The following KCNH1 variants were observed in gnomAD, a reference collection of about 807,000 sequenced individuals.
KCNH1 encodes voltage-gated delayed rectifier potassium channel KCNH1.
In KCNH1, 27 loss-of-function variants were observed where a neutral mutation model predicts 69.2. That is an observed-to-expected ratio of 0.39 (90% CI 0.29 to 0.54). KCNH1 has a LOEUF of 0.54. Among genes scored for constraint, KCNH1 ranks in the 20% least tolerant of loss-of-function variants. The probability of loss-of-function intolerance (pLI) is 0.68; values close to 1 mark genes in which losing one functional copy is unlikely to be tolerated. For synonymous variants in KCNH1, 456 were observed against 487.7 expected (o/e 0.93, Z 0.86); for missense variants, 798 against 1,261.6 (o/e 0.63, Z 5.57).
intron 8 of KCNH1, 24 bp downstream of exon 8, chr1:210,803,943 C>T: frequency 1.2e-6 from 2 of 1,605,674 alleles, no homozygotes; most frequent in Non-Finnish European, 8.5e-7. Flanking sequence ...CAAATGGTTT[C>T]CCTGAGCTCC....
In KCNH1 at chr1:210,919,815, A is replaced by G. The variant is rs779722105; in HGVS notation, c.1287T>C (p.Pro429=). The part of the protein sequence containing the change: ...LYQLAMDIGT[P]YQFNGSGSGK... The stretch of plus-strand genomic sequence containing the variant: ...CTGAGCCAGACCCATTAAACTGGTA[A>G]GGGGTGCCAATGTCCATCGCTAGTT... Residue 429 remains proline (P), a synonymous_variant, in exon 7 of 11, where the codon CCT becomes CCC. Transcript: ENST00000271751. This position sits in a 1 kb window ranked among gnomAD's most constrained non-coding sequence, Gnocchi z 4.2. 6.2e-7 allele frequency: 1 copy of G among 1,614,156 alleles called. No homozygotes were observed. The highest frequency in any genetic ancestry group is 1.7e-5 in the Admixed American group (1 of 60,024).
At chr1:210,782,569 T>C (rs781472352) in intron 9 of KCNH1, among the ~76,000 whole-genome samples, 2 of 152,024 alleles carry the variant, frequency 1.3e-5, no homozygotes, top group Non-Finnish European at 2.9e-5. Context: ...CTACTAAAAA[T>C]GCAAAAATTA....
chr1:211,103,461 A>G (rs534596442), intron 3 of KCNH1, 35 bp downstream of exon 3: 3 of 1,355,690 alleles, frequency 2.2e-6, no homozygotes, highest in Admixed American at 3.8e-5. Flanking sequence ...TTTCAAACAC[A>G]TAAAGGTATG....
chr1:210,762,760 C>T (rs1017116357), intron 10 of KCNH1, among the ~76,000 whole-genome samples: 1 of 152,132 alleles, frequency 6.6e-6, no homozygotes, highest in Non-Finnish European at 1.5e-5. Context: ...AAGCCCTGGA[C>T]CAGATGGATT....
intron 10 of KCNH1, among the ~76,000 whole-genome samples, chr1:210,709,742 A>AAGAGAG (rs35326611): frequency 5.4e-4 from 78 of 145,016 alleles, no homozygotes; most frequent in South Asian, 1.3e-3. Flanking sequence ...GAGAGAGAGA[A>AAGAGAG]AGAGAGAGAG....
intron 5 of KCNH1, among the ~76,000 whole-genome samples, chr1:211,057,047 C>T (rs2102445863): frequency 1.3e-5 from 2 of 152,220 alleles, no homozygotes; most frequent in Middle Eastern, 6.8e-3. Context: ...CACCCAGTGA[C>T]CAATCCCAGA....
chr1:211,120,796 C>G (rs958204209), intron 1 of KCNH1, among the ~76,000 whole-genome samples: 2 of 152,004 alleles, frequency 1.3e-5, no homozygotes, highest in Admixed American at 6.6e-5. Flanking sequence ...TCATCTCAGC[C>G]CAAAAACTTC....
intron 6 of KCNH1, among the ~76,000 whole-genome samples, chr1:211,006,968 AAGAC>A (rs1459075869): frequency 7.2e-5 from 11 of 152,274 alleles, no homozygotes; most frequent in African/African-American, 2.4e-4. Flanking sequence ...GAAGAAAAAA[AAGAC>A]AGACAATATA....
chr1:211,087,615 ACACACACACACACACACACACACG>A (rs1048123714), intron 4 of KCNH1, among the ~76,000 whole-genome samples: 3 of 97,444 alleles, frequency 3.1e-5, no homozygotes, highest in African/African-American at 7.4e-5. Flanking sequence ...ATACACACAC[ACACACACACACACACACACACACG>A]CACACACACA....
intron 6 of KCNH1, among the ~76,000 whole-genome samples, chr1:211,004,433 C>G (rs527725672): frequency 1.3e-5 from 2 of 151,970 alleles, no homozygotes; most frequent in African/African-American, 4.8e-5. Flanking sequence ...ATTCTAAAAT[C>G]CTTGCAATAT....
chr1:210,943,001 T>C (rs956834857), intron 6 of KCNH1, among the ~76,000 whole-genome samples: 2 of 152,184 alleles, frequency 1.3e-5, no homozygotes, highest in African/African-American at 2.4e-5. Context: ...TAAAAATAAT[T>C]TTAAAGAACT....
At chr1:211,021,074 T>C (rs1044195221) in intron 5 of KCNH1, among the ~76,000 whole-genome samples, 14 of 152,092 alleles carry the variant, frequency 9.2e-5, no homozygotes, top group African/African-American at 3.4e-4. Context: ...AAACATTGTA[T>C]GTCCTCACTC....
intron 7 of KCNH1, among the ~76,000 whole-genome samples, chr1:210,825,449 C>T (rs1212174618): frequency 6.6e-6 from 1 of 152,166 alleles, no homozygotes; most frequent in Admixed American, 6.5e-5. Context: ...ACTACTAATA[C>T]AGTTTGAAAC....
At chr1:210,896,102 T>C (rs894012165) in intron 7 of KCNH1, among the ~76,000 whole-genome samples, 3 of 152,182 alleles carry the variant, frequency 2.0e-5, no homozygotes, top group African/African-American at 7.2e-5. Flanking sequence ...GCAAACAATT[T>C]CAATCCTCCC....
chr1:211,078,145 C>CT (rs1690772069), intron 5 of KCNH1, among the ~76,000 whole-genome samples: 2 of 152,132 alleles, frequency 1.3e-5, no homozygotes, highest in Admixed American at 6.5e-5. Flanking sequence ...TTAAAAGAGA[C>CT]TTAGACTCCA....
chr1:210,709,814 G>A (rs771521623), intron 10 of KCNH1, among the ~76,000 whole-genome samples: 1 of 152,134 alleles, frequency 6.6e-6, no homozygotes, highest in Non-Finnish European at 1.5e-5. Flanking sequence ...GTCTTCCCAA[G>A]CCCAGGAGCT....
At chr1:210,739,493 T>C (rs12123293) in intron 10 of KCNH1, among the ~76,000 whole-genome samples, 54,174 of 152,120 alleles carry the variant, frequency 0.36, 10,018 homozygotes, top group African/African-American at 0.43. Context: ...CATATCTGGC[T>C]ATGGAAAGTC....
chr1:210,956,216 A>G (rs1688173780), intron 6 of KCNH1, among the ~76,000 whole-genome samples: 1 of 151,968 alleles, frequency 6.6e-6, no homozygotes, highest in African/African-American at 2.4e-5. Context: ...TACTGATTTG[A>G]GTATGTTGAA....
chr1:210,736,541 C>T (rs1682883646), intron 10 of KCNH1, among the ~76,000 whole-genome samples: 1 of 148,916 alleles, frequency 6.7e-6, no homozygotes, highest in South Asian at 2.2e-4. Flanking sequence ...GAAACTCCAT[C>T]CCCCCTCCAA....
Sources: gnomAD v4.1 joint callset for allele counts (sites outside exome capture counted in the v4.1 genomes callset) on GRCh38, gnomAD v4.1.1 for gene constraint, Gnocchi (gnomAD v3.1) non-coding constraint, MANE v1.5 for transcripts, NCBI Gene and HGNC (gene_info 2026-07-23, HGNC 2026-07-21) for gene names.